TFEC: variants seen among roughly 807,000 people sequenced by gnomAD.
The protein encoded by TFEC is class E basic helix-loop-helix protein 34.
A neutral mutation model predicts 41.6 loss-of-function variants in TFEC; 31 were observed. That is an observed-to-expected ratio of 0.74 (90% CI 0.56 to 1.01). The LOEUF is 1.01. Ranked by LOEUF, TFEC falls within the 50% of genes least tolerant of loss-of-function variation. The pLI, the probability that TFEC is intolerant of heterozygous loss-of-function variation, is 0.00. For synonymous variants in TFEC, 143 were observed against 140.6 expected (o/e 1.02, Z -0.12); for missense variants, 402 against 404.1 (o/e 0.99, Z 0.04).
At chr7:116,023,579 C>G (rs1191268132) in intron 1 of TFEC, among the ~76,000 whole-genome samples, 1 of 152,122 alleles carries the variant, frequency 6.6e-6, no homozygotes. Context: ...AGGCTTCCCG[C>G]TAAAACTCAC....
chr7:116,010,114 T>C (rs1297417951), intron 1 of TFEC, among the ~76,000 whole-genome samples: 2 of 151,962 alleles, frequency 1.3e-5, no homozygotes, highest in Non-Finnish European at 2.9e-5. Context: ...AAAAACACAC[T>C]GAAAGGATAA....
chr7:116,103,586 G>A (rs2115992928), intron 3 of TFEC, among the ~76,000 whole-genome samples: 1 of 152,096 alleles, frequency 6.6e-6, no homozygotes, highest in African/African-American at 2.4e-5. Flanking sequence ...AATGTAATGT[G>A]GAATAGAAAT....
At chr7:116,080,680 A>T (rs1263609222) in intron 3 of TFEC, among the ~76,000 whole-genome samples, 1 of 152,076 alleles carries the variant, frequency 6.6e-6, no homozygotes, top group African/African-American at 2.4e-5. Flanking sequence ...ATATCAAAAA[A>T]TCAAAAAATA....
chr7:116,045,854 C>A (rs1350839874), intron 3 of TFEC, among the ~76,000 whole-genome samples: 1 of 152,180 alleles, frequency 6.6e-6, no homozygotes, highest in Non-Finnish European at 1.5e-5. Flanking sequence ...GCGGAGCTTC[C>A]CAAGACCATG....
intron 1 of TFEC, among the ~76,000 whole-genome samples, chr7:116,024,022 C>T (rs1795495616): frequency 6.6e-6 from 1 of 152,092 alleles, no homozygotes; most frequent in Non-Finnish European, 1.5e-5. Context: ...CTTTCTCTGA[C>T]CAAACTGAAG....
chr7:116,057,526 G>A (rs1006613327), intron 3 of TFEC, among the ~76,000 whole-genome samples: 3 of 151,894 alleles, frequency 2.0e-5, no homozygotes, highest in African/African-American at 7.2e-5. Flanking sequence ...GTTAAAGGAA[G>A]TTTTAGACAG....
chr7:116,094,778 C>G (rs1351353077), intron 3 of TFEC, among the ~76,000 whole-genome samples: 1 of 152,146 alleles, frequency 6.6e-6, no homozygotes, highest in Non-Finnish European at 1.5e-5. Context: ...GTCCAACTTA[C>G]AAATGGCTTT....
At chr7:116,082,964 T>C (rs968838394) in intron 3 of TFEC, among the ~76,000 whole-genome samples, 13 of 151,882 alleles carry the variant, frequency 8.6e-5, no homozygotes, top group Non-Finnish European at 1.2e-4. Context: ...AAAAATTCAA[T>C]TGAAACATCA....
intron 1 of TFEC, among the ~76,000 whole-genome samples, chr7:116,003,057 A>C (rs1028469375): frequency 1.3e-5 from 2 of 152,162 alleles, no homozygotes; most frequent in Admixed American, 6.5e-5. Flanking sequence ...AATAGATATT[A>C]ATCCAAATAT....
At chr7:116,028,359 A>G (rs1562941813) in intron 1 of TFEC, among the ~76,000 whole-genome samples, 1 of 152,200 alleles carries the variant, frequency 6.6e-6, no homozygotes, top group Non-Finnish European at 1.5e-5. Context: ...GGCATTCACA[A>G]TTCTATATAA....
At chr7:116,048,691 A>C (rs1230694117) in intron 3 of TFEC, among the ~76,000 whole-genome samples, 1 of 152,218 alleles carries the variant, frequency 6.6e-6, no homozygotes, top group African/African-American at 2.4e-5. Context: ...AGATTCATCA[A>C]AGTTGAAATA....
chr7:116,014,987 C>A (rs1795135811), intron 1 of TFEC, among the ~76,000 whole-genome samples: 1 of 152,026 alleles, frequency 6.6e-6, no homozygotes, highest in Admixed American at 6.6e-5. Flanking sequence ...AACTTCTATT[C>A]TCTAGAACTG....
chr7:116,139,745 A>AG (rs1798502708), intron 1 of TFEC, among the ~76,000 whole-genome samples: 1 of 152,224 alleles, frequency 6.6e-6, no homozygotes, highest in Non-Finnish European at 1.5e-5. Context: ...AGGGAGTTTG[A>AG]GATAGGCCTT....
intron 1 of TFEC, among the ~76,000 whole-genome samples, chr7:116,138,673 G>A (rs1317699967): frequency 6.6e-6 from 1 of 152,134 alleles, no homozygotes; most frequent in Non-Finnish European, 1.5e-5. Flanking sequence ...CCTGAAACAA[G>A]TTAAAAATCC....
At chr7:116,055,848 G>A (rs1322281884) in intron 3 of TFEC, among the ~76,000 whole-genome samples, 1 of 151,964 alleles carries the variant, frequency 6.6e-6, no homozygotes, top group Non-Finnish European at 1.5e-5. Flanking sequence ...TTGTTTCTGT[G>A]TTCTTTTTAC....
upstream of TFEC, among the ~76,000 whole-genome samples, chr7:116,035,014 T>C (rs1383579211): frequency 6.6e-6 from 1 of 151,640 alleles, no homozygotes; most frequent in African/African-American, 2.4e-5. Context: ...ATAGACCCCA[T>C]GACCTACCAG....
chr7:116,014,027 T>C (rs1035597233), intron 1 of TFEC, among the ~76,000 whole-genome samples: 5 of 152,120 alleles, frequency 3.3e-5, no homozygotes, highest in African/African-American at 1.2e-4. Context: ...AGTCCCTAGA[T>C]TATGTAATAA....
At chr7:116,154,606 G>A (rs1470703739) in intron 1 of TFEC, among the ~76,000 whole-genome samples, 5 of 152,146 alleles carry the variant, frequency 3.3e-5, no homozygotes, top group Non-Finnish European at 5.9e-5. Context: ...TAGAGAGATT[G>A]GCATTGCACT....
chr7:116,001,300 A>G (rs1794584344), intron 1 of TFEC, among the ~76,000 whole-genome samples: 2 of 152,134 alleles, frequency 1.3e-5, no homozygotes, highest in Admixed American at 1.3e-4. Flanking sequence ...GCAAAAATCA[A>G]ATCAAAATGG....
Sources: allele counts gnomAD v4.1 joint callset (sites outside exome capture counted in the v4.1 genomes callset), GRCh38; gene constraint gnomAD v4.1.1; transcripts MANE v1.5; gene names NCBI Gene and HGNC (gene_info 2026-07-23, HGNC 2026-07-21).